Variants in FOXP1 observed in about 807,000 individuals in gnomAD.
The protein encoded by FOXP1 is forkhead box P1, also known as forkhead box protein P1.
Under a neutral mutation model 98.2 loss-of-function variants are expected in FOXP1, and 15 were observed. That is an observed-to-expected ratio of 0.15 (90% CI 0.10 to 0.24). The LOEUF is 0.24. Ranked by LOEUF, FOXP1 falls within the 10% of genes least tolerant of loss-of-function variation. The pLI, the probability that FOXP1 is intolerant of heterozygous loss-of-function variation, is 1.00. For missense variants in FOXP1, 633 were observed against 848.5 expected, an observed-to-expected ratio of 0.75 and a Z score of 3.15; for synonymous variants, 371 against 314.5, an observed-to-expected ratio of 1.18 and a Z score of -1.90.
At chr3:71,180,447 A>T (rs565608036) in intron 6 of FOXP1, among the ~76,000 whole-genome samples, 12 of 151,416 alleles carry the variant, frequency 7.9e-5, no homozygotes, top group Admixed American at 2.6e-4. Context: ...TAGATGTTTT[A>T]AAAAAAAATG....
At chr3:71,393,605 A>T (rs1301406669) in intron 3 of FOXP1, among the ~76,000 whole-genome samples, 1 of 152,228 alleles carries the variant, frequency 6.6e-6, no homozygotes, top group Non-Finnish European at 1.5e-5. Flanking sequence ...GGTCATATTT[A>T]AAATAATTAG....
intron 10 of FOXP1, among the ~76,000 whole-genome samples, chr3:71,045,024 T>C (rs2048837363): frequency 6.6e-6 from 1 of 151,836 alleles, no homozygotes; most frequent in African/African-American, 2.4e-5. Flanking sequence ...GGTGAGGGAG[T>C]GGGGGGACAA....
chr3:71,258,177 A>C (rs987222069), intron 5 of FOXP1, among the ~76,000 whole-genome samples: 1 of 152,216 alleles, frequency 6.6e-6, no homozygotes, highest in Non-Finnish European at 1.5e-5. Flanking sequence ...GACTTGAACA[A>C]AGGTTATAAT....
At chr3:71,142,471 C>T (rs1010743195) in intron 6 of FOXP1, among the ~76,000 whole-genome samples, 8 of 152,074 alleles carry the variant, frequency 5.3e-5, no homozygotes, top group African/African-American at 1.9e-4. Context: ...AGTTTAGAGC[C>T]CAGAGATAGA....
At chr3:71,229,694 T>C (rs2066130304) in intron 5 of FOXP1, among the ~76,000 whole-genome samples, 1 of 152,172 alleles carries the variant, frequency 6.6e-6, no homozygotes, top group African/African-American at 2.4e-5. Context: ...TTCTTTCAGC[T>C]GTTTTCTAGT....
chr3:71,064,870 G>C (rs2052173996), intron 7 of FOXP1: 1 of 969,820 alleles, frequency 1.0e-6, no homozygotes, highest in South Asian at 4.8e-5. Context: ...CGGGCTCGGG[G>C]CGCCCGCGCG....
chr3:71,113,552 A>C (rs1211193060), intron 6 of FOXP1, among the ~76,000 whole-genome samples: 5 of 152,004 alleles, frequency 3.3e-5, no homozygotes, highest in Non-Finnish European at 7.4e-5. Context: ...GTCTCTACTA[A>C]AAATACAAAA....
At chr3:71,439,443 A>G (rs900187293) in intron 3 of FOXP1, among the ~76,000 whole-genome samples, 3 of 152,210 alleles carry the variant, frequency 2.0e-5, no homozygotes, top group Admixed American at 6.5e-5. Flanking sequence ...TAGAAGAAGG[A>G]AAAATAGAAT....
At chr3:71,241,511 G>A (rs1293347669) in intron 5 of FOXP1, among the ~76,000 whole-genome samples, 5 of 152,162 alleles carry the variant, frequency 3.3e-5, no homozygotes, top group Non-Finnish European at 7.3e-5. Flanking sequence ...CACTCAGCAA[G>A]ATAATGAATC....
chr3:71,466,810 C>T (rs1260537558), intron 3 of FOXP1, among the ~76,000 whole-genome samples: 23 of 152,198 alleles, frequency 1.5e-4, no homozygotes. Context: ...CTCTCCTTAC[C>T]ATATAGTTCT....
intron 5 of FOXP1, among the ~76,000 whole-genome samples, chr3:71,218,519 G>T (rs1170688602): frequency 1.3e-5 from 2 of 151,976 alleles, no homozygotes; most frequent in Non-Finnish European, 2.9e-5. Flanking sequence ...CTTCAATATT[G>T]CATCTTGTCT....
chr3:71,565,798 G>A (rs1347732992), intron 2 of FOXP1, among the ~76,000 whole-genome samples: 1 of 152,180 alleles, frequency 6.6e-6, no homozygotes, highest in Non-Finnish European at 1.5e-5. Flanking sequence ...ATGTTTAAAT[G>A]ATGTTTGTAT....
chr3:71,549,369 C>T (rs2045598920), intron 2 of FOXP1, among the ~76,000 whole-genome samples: 2 of 152,082 alleles, frequency 1.3e-5, no homozygotes, highest in South Asian at 2.1e-4. Flanking sequence ...AATACATATA[C>T]TTTATTATTT....
At chr3:71,395,801 T>A (rs996463384) in intron 3 of FOXP1, among the ~76,000 whole-genome samples, 1 of 151,942 alleles carries the variant, frequency 6.6e-6, no homozygotes, top group Non-Finnish European at 1.5e-5. Flanking sequence ...TCTCCAATAA[T>A]GTATTCTCCT....
Position 71,358,866 on chromosome 3 carries a change from G to A in FOXP1, c.-73+284C>T, listed in dbSNP as rs140263329. ...TTGCAAAAAAGACTGTATGGCTCAT[G>A]AGGATGACAATATTTCCTATCTGGC... On this transcript the variant is annotated intron_variant, in intron 4 of 20. Coordinates refer to ENST00000649528, the MANE Select transcript of FOXP1 (RefSeq NM_001349338.3). Among the ~76,000 whole-genome samples, 1,046 of 152,286 alleles carry A rather than the reference G, an allele frequency of 6.9e-3. 30 individuals carry two copies. Among genetic ancestry groups the A allele is most frequent in the Non-Finnish European group, 4.1e-3 (280 of 68,022 alleles).
At chr3:71,582,601 A>C (rs2048274925) in intron 1 of FOXP1, 3 of 985,396 alleles carry the variant, frequency 3.0e-6, no homozygotes, top group South Asian at 9.4e-5. Context: ...CCCGTCCCCC[A>C]AGCTTCAGAG....
chr3:71,524,985 G>A (rs554044190), intron 2 of FOXP1, among the ~76,000 whole-genome samples: 21 of 152,044 alleles, frequency 1.4e-4, no homozygotes, highest in Non-Finnish European at 1.9e-4. Flanking sequence ...CACATCCCAC[G>A]GATAACAATC....
chr3:71,117,337 T>C (rs2058444169), intron 6 of FOXP1, among the ~76,000 whole-genome samples: 1 of 152,194 alleles, frequency 6.6e-6, no homozygotes, highest in Non-Finnish European at 1.5e-5. Context: ...TCCTCCCACT[T>C]TGGCCTCTCA....
chr3:71,421,353 T>G (rs186558972), intron 3 of FOXP1, among the ~76,000 whole-genome samples: 420 of 152,338 alleles, frequency 2.8e-3, no homozygotes, highest in African/African-American at 9.8e-3. Context: ...CAGGTAAATG[T>G]ATGCCCTGTT....
Sources: allele counts gnomAD v4.1 joint callset (sites outside exome capture counted in the v4.1 genomes callset), GRCh38; gene constraint gnomAD v4.1.1; transcripts MANE v1.5; gene names NCBI Gene and HGNC (gene_info 2026-07-23, HGNC 2026-07-21).